The following STX8 variants were observed in gnomAD, a reference collection of about 807,000 sequenced individuals.
The protein encoded by STX8 is syntaxin 8.
A neutral mutation model predicts 37.5 loss-of-function variants in STX8; 23 were observed. The ratio of observed to expected loss-of-function variants is 0.61; its 90% confidence interval spans 0.44 to 0.87. The LOEUF (loss-of-function observed/expected upper bound fraction) is 0.87, where lower values mean the gene tolerates loss of function less well. Among genes scored for constraint, STX8 ranks in the 40% least tolerant of loss-of-function variants. STX8 has a pLI of 0.00. For synonymous variants in STX8, 115 were observed against 99.1 expected (o/e 1.16, Z -0.95); for missense variants, 313 against 284.7 (o/e 1.10, Z -0.71).
intron 7 of STX8, among the ~76,000 whole-genome samples, chr17:9,363,525 T>C (rs9914001): frequency 0.057 from 8,612 of 152,238 alleles, 811 homozygotes; most frequent in African/African-American, 0.19. Context: ...GACAACTGAC[T>C]GTACTTCTAA....
intron 7 of STX8, among the ~76,000 whole-genome samples, chr17:9,277,619 T>A (rs1907721918): frequency 6.6e-6 from 1 of 152,068 alleles, no homozygotes; most frequent in Admixed American, 6.5e-5. Context: ...AATAAAATGA[T>A]TACAAATCAT....
intron 6 of STX8, among the ~76,000 whole-genome samples, chr17:9,488,800 AAG>A (rs201248571): frequency 4.5e-4 from 63 of 140,846 alleles, no homozygotes; most frequent in East Asian, 1.0e-3. Context: ...TTAAGAGAGA[AAG>A]AGAGAGAGAG....
chr17:9,431,443 T>TTGG (rs1913975355), intron 6 of STX8, among the ~76,000 whole-genome samples: 1 of 147,444 alleles, frequency 6.8e-6, no homozygotes, highest in African/African-American at 2.6e-5. Flanking sequence ...GTTGTTGTTG[T>TTGG]TGTTGTTTTG....
Position 9,309,936 on chromosome 17 carries a change from A to G in STX8, c.644-59291T>C, listed in dbSNP as rs150339624. On this transcript the variant is annotated intron_variant, in intron 7 of 7. Transcript: ENST00000306357. ...AACAGCCTTGTTCAAATCTATTATG[A>G]CAAAATATATACTCTCTAAGAAGTA... Among the ~76,000 whole-genome samples the G allele has an allele frequency of 1.8e-3, 268 of 152,328 alleles. 2 individuals are homozygous for G. The highest frequency in any genetic ancestry group is 6.1e-3 in the African/African-American group (252 of 41,570).
intron 6 of STX8, among the ~76,000 whole-genome samples, chr17:9,478,565 T>C (rs1158337159): frequency 3.3e-5 from 5 of 152,176 alleles, no homozygotes; most frequent in African/African-American, 7.2e-5. Flanking sequence ...ACTGAGACTA[T>C]TGATTGTGAC....
chr17:9,261,577 C>A (rs1907040744), intron 7 of STX8, among the ~76,000 whole-genome samples: 1 of 152,164 alleles, frequency 6.6e-6, no homozygotes, highest in Admixed American at 6.5e-5. Flanking sequence ...ATTGTCGCTT[C>A]CTGCACAGAA....
chr17:9,456,069 A>C (rs1157212303), intron 6 of STX8, among the ~76,000 whole-genome samples: 1 of 152,116 alleles, frequency 6.6e-6, no homozygotes, highest in Non-Finnish European at 1.5e-5. Context: ...AGATCCTGGG[A>C]GGAATCCTAA....
intron 5 of STX8, among the ~76,000 whole-genome samples, chr17:9,499,760 G>A (rs576800264): frequency 7.9e-5 from 12 of 152,264 alleles, no homozygotes; most frequent in Admixed American, 5.9e-4. Context: ...TGCAACCTGC[G>A]CTGCCGCTCC....
chr17:9,566,939 G>A (rs9916730), intron 2 of STX8, among the ~76,000 whole-genome samples: 33,046 of 152,094 alleles, frequency 0.22, 4,018 homozygotes, highest in East Asian at 0.5. Flanking sequence ...ATATTATGCC[G>A]CCATAAAAAA....
intron 6 of STX8, among the ~76,000 whole-genome samples, chr17:9,424,411 T>C (rs1398250667): frequency 6.6e-6 from 1 of 152,048 alleles, no homozygotes; most frequent in Non-Finnish European, 1.5e-5. Context: ...TGAAGGTCCC[T>C]GTCAACAGGC....
chr17:9,353,540 T>C (rs1174840540), intron 7 of STX8, among the ~76,000 whole-genome samples: 1 of 152,192 alleles, frequency 6.6e-6, no homozygotes, highest in Admixed American at 6.5e-5. Context: ...CATTATTACT[T>C]TTCTCATTCA....
Position 9,262,828 on chromosome 17 carries a change from C to T in STX8, c.644-12183G>A, listed in dbSNP as rs566707563. 5.8e-4 allele frequency among the ~76,000 whole-genome samples: 88 copies of T among 152,110 alleles called. 1 individual carries two copies. The highest frequency in any genetic ancestry group is 2.1e-3 in the African/African-American group (86 of 41,510). On this transcript the variant is annotated intron_variant, in intron 7 of 7. Transcript: ENST00000306357. ...ATCTCCAGATCTTGTGATCCACCTG[C>T]CTCCCAAAGTGGTAGGATACAGGCA...
intron 7 of STX8, among the ~76,000 whole-genome samples, chr17:9,373,474 T>C (rs1293049324): frequency 1.3e-5 from 2 of 152,200 alleles, no homozygotes; most frequent in East Asian, 3.8e-4. Flanking sequence ...TGGATGAATC[T>C]TGAAGACATC....
At chr17:9,487,072 G>A (rs3891720) in intron 6 of STX8, among the ~76,000 whole-genome samples, 22,328 of 152,024 alleles carry the variant, frequency 0.15, 2,661 homozygotes, top group East Asian at 0.67. Context: ...CCATTTCCTC[G>A]CTTGGCTTGG....
At chr17:9,302,134 C>G (rs1333849036) in intron 7 of STX8, among the ~76,000 whole-genome samples, 1 of 152,154 alleles carries the variant, frequency 6.6e-6, no homozygotes, top group African/African-American at 2.4e-5. Context: ...TTTATGTTCT[C>G]TAATTACTCT....
At chr17:9,568,520 A>T in intron 1 of STX8, 50 bp from the exon 2 acceptor site, 2 of 1,489,380 alleles carry the variant, frequency 1.3e-6, no homozygotes, top group Non-Finnish European at 1.8e-6. Flanking sequence ...TTTTTTTTTG[A>T]GACGGAGTCT....
intron 7 of STX8, among the ~76,000 whole-genome samples, chr17:9,314,575 ATTT>A (rs75864623): frequency 1.6e-5 from 2 of 128,896 alleles, no homozygotes; most frequent in Non-Finnish European, 1.7e-5. Flanking sequence ...AATTTTTTGT[ATTT>A]TTTTTTTTTT....
intron 6 of STX8, among the ~76,000 whole-genome samples, chr17:9,379,536 T>G (rs1478547720): frequency 6.6e-6 from 1 of 152,200 alleles, no homozygotes; most frequent in African/African-American, 2.4e-5. Context: ...TGCTAATTTC[T>G]TCATCTCTCG....
chr17:9,264,495 A>G (rs1452825024), intron 7 of STX8, among the ~76,000 whole-genome samples: 1 of 152,026 alleles, frequency 6.6e-6, no homozygotes, highest in African/African-American at 2.4e-5. Flanking sequence ...TGTAGAGATG[A>G]GGTCTCCCTG....
Sources: gnomAD v4.1 joint callset for allele counts (sites outside exome capture counted in the v4.1 genomes callset) on GRCh38, gnomAD v4.1.1 for gene constraint, MANE v1.5 for transcripts, NCBI Gene and HGNC (gene_info 2026-07-23, HGNC 2026-07-21) for gene names.